Variants in RUNDC3B observed in about 807,000 individuals in gnomAD.
RUNDC3B encodes the protein RUN domain-containing protein 3B.
RUNDC3B carries 33 observed loss-of-function variants against 58.4 expected under a neutral mutation model. That is an observed-to-expected ratio of 0.56 (90% CI 0.43 to 0.75). The LOEUF is 0.75. RUNDC3B is among the 30% of genes least tolerant of loss of function. RUNDC3B has a pLI of 0.00. For missense variants in RUNDC3B, 501 were observed against 535.7 expected, an observed-to-expected ratio of 0.94 and a Z score of 0.64; for synonymous variants, 193 against 195.2, an observed-to-expected ratio of 0.99 and a Z score of 0.10.
Position 87,763,639 on chromosome 7 carries a change from T to G in RUNDC3B, c.630-6942T>G, listed in dbSNP as rs576239128. 1.2e-3 allele frequency among the ~76,000 whole-genome samples: 179 copies of G among 151,866 alleles called. 2 individuals are homozygous for G. Among genetic ancestry groups the G allele is most frequent in the African/African-American group, 4.2e-3 (174 of 41,554 alleles). ...AAGTTCTTTCTTCAATTGTATCTGA[T>G]TTTTAGGCAATCCATTTATTTTTAT... On this transcript the variant is annotated intron_variant, in intron 6 of 10. Coordinates refer to ENST00000394654, the MANE Select transcript of RUNDC3B (RefSeq NM_001134405.2).
intron 2 of RUNDC3B, among the ~76,000 whole-genome samples, chr7:87,677,303 A>ACC (rs1303343025): frequency 6.6e-6 from 1 of 150,678 alleles, no homozygotes; most frequent in African/African-American, 2.5e-5. Context: ...ACACACACAC[A>ACC]CACACACCAC....
At chr7:87,702,020 G>C (rs1829090203) in intron 3 of RUNDC3B, among the ~76,000 whole-genome samples, 6 of 151,546 alleles carry the variant, frequency 4.0e-5, no homozygotes, top group Admixed American at 3.9e-4. Context: ...GTGGGCACCT[G>C]TAATCCCAGC....
intron 4 of RUNDC3B, among the ~76,000 whole-genome samples, chr7:87,714,151 G>T (rs1830333579): frequency 6.6e-6 from 1 of 152,190 alleles, no homozygotes; most frequent in African/African-American, 2.4e-5. Flanking sequence ...TTTGGAATCT[G>T]TGTATGTATT....
At chr7:87,811,846 G>T (rs1172895856) in intron 9 of RUNDC3B, among the ~76,000 whole-genome samples, 1 of 152,106 alleles carries the variant, frequency 6.6e-6, no homozygotes, top group African/African-American at 2.4e-5. Context: ...AATAAATTAA[G>T]AGAATATAGA....
At chr7:87,656,802 A>T (rs1824149522) in intron 2 of RUNDC3B, among the ~76,000 whole-genome samples, 1 of 152,200 alleles carries the variant, frequency 6.6e-6, no homozygotes, top group Non-Finnish European at 1.5e-5. Flanking sequence ...ATCCATCACT[A>T]AGCTACTTAA....
intron 6 of RUNDC3B, among the ~76,000 whole-genome samples, chr7:87,760,919 G>T (rs982053872): frequency 6.6e-6 from 1 of 151,764 alleles, no homozygotes; most frequent in Non-Finnish European, 1.5e-5. Flanking sequence ...CCTGAGTTAG[G>T]CAATTGTTTT....
chr7:87,815,592 T>C (rs989870635), intron 9 of RUNDC3B, among the ~76,000 whole-genome samples: 1 of 152,116 alleles, frequency 6.6e-6, no homozygotes, highest in Non-Finnish European at 1.5e-5. Flanking sequence ...AGTTTAATCG[T>C]CTTGATGTAT....
At chr7:87,776,304 A>C (rs1036546924) in intron 7 of RUNDC3B, among the ~76,000 whole-genome samples, 3 of 152,158 alleles carry the variant, frequency 2.0e-5, no homozygotes, top group Non-Finnish European at 2.9e-5. Context: ...AGTGATCCAA[A>C]TGGTCATTGA....
At chr7:87,756,508 C>T (rs769086422) in intron 6 of RUNDC3B, among the ~76,000 whole-genome samples, 6 of 151,858 alleles carry the variant, frequency 4.0e-5, no homozygotes, top group Non-Finnish European at 8.8e-5. Flanking sequence ...TACCTAAATT[C>T]ATTTAGATTA....
chr7:87,713,922 TATTTA>T (rs1375072586), intron 4 of RUNDC3B, among the ~76,000 whole-genome samples: 2 of 152,182 alleles, frequency 1.3e-5, no homozygotes, highest in Non-Finnish European at 2.9e-5. Context: ...ATTATATCAG[TATTTA>T]ATTTATAATG....
chr7:87,796,725 A>G (rs1835841413), intron 8 of RUNDC3B, among the ~76,000 whole-genome samples: 1 of 152,224 alleles, frequency 6.6e-6, no homozygotes, highest in African/African-American at 2.4e-5. Flanking sequence ...AAAATAAGAG[A>G]GACGTTAAGG....
chr7:87,671,424 G>C (rs1372057870), intron 2 of RUNDC3B, among the ~76,000 whole-genome samples: 1 of 152,156 alleles, frequency 6.6e-6, no homozygotes, highest in Non-Finnish European at 1.5e-5. Flanking sequence ...TGGAAGACCT[G>C]TCTGGTGAGG....
chr7:87,712,493 A>G (rs1036121197), intron 4 of RUNDC3B, among the ~76,000 whole-genome samples: 2 of 152,080 alleles, frequency 1.3e-5, no homozygotes, highest in Non-Finnish European at 2.9e-5. Context: ...TTCCTATGCA[A>G]GTAGAATATT....
chr7:87,664,749 A>G (rs554729897), intron 2 of RUNDC3B, among the ~76,000 whole-genome samples: 3 of 152,276 alleles, frequency 2.0e-5, no homozygotes, highest in Non-Finnish European at 4.4e-5. Context: ...AGCAAAATAT[A>G]TAAGTTTGTG....
In RUNDC3B at chr7:87,686,776, G is replaced by GAA. The variant is rs555870738; in HGVS notation, c.239-13630_239-13629dup. Among the ~76,000 whole-genome samples the GAA allele has an allele frequency of 1.9e-4, 20 of 106,976 alleles. 1 individual carries two copies. The highest frequency in any genetic ancestry group is 8.6e-4 in the South Asian group (3 of 3,470). 70.2% of individuals were successfully genotyped at this position (106,976 alleles called of 152,430 possible). ...GCAACATGGTGAAACCCCGCCTCTAGAAAAAAAAAAAAAAAAGAATTAACT... is the reference window on the plus strand; with the variant it reads ...GCAACATGGTGAAACCCCGCCTCTAGAAAAAAAAAAAAAAAAAAGAATTAACT... On this transcript the variant is annotated intron_variant, in intron 2 of 10. Transcript: ENST00000394654.
intron 2 of RUNDC3B, among the ~76,000 whole-genome samples, chr7:87,663,275 A>G (rs1824894471): frequency 6.6e-6 from 1 of 152,054 alleles, no homozygotes; most frequent in Non-Finnish European, 1.5e-5. Flanking sequence ...TTGTAAATAC[A>G]AGGTTCTTTT....
intron 1 of RUNDC3B, among the ~76,000 whole-genome samples, chr7:87,646,742 G>T (rs1282488121): frequency 7.0e-6 from 1 of 142,710 alleles, no homozygotes; most frequent in African/African-American, 2.5e-5. Context: ...GTTTGCCAGG[G>T]ATTGGCAGCA....
chr7:87,799,545 A>G (rs571610140), intron 8 of RUNDC3B, among the ~76,000 whole-genome samples: 9 of 152,294 alleles, frequency 5.9e-5, no homozygotes, highest in African/African-American at 2.2e-4. Context: ...TGTCACAAAT[A>G]GTACTGGAGC....
At chr7:87,647,097 T>G (rs1253040155) in intron 1 of RUNDC3B, among the ~76,000 whole-genome samples, 2 of 152,168 alleles carry the variant, frequency 1.3e-5, no homozygotes, top group Non-Finnish European at 2.9e-5. Flanking sequence ...TTTTCCATTA[T>G]CCCATATATA....
Sources: allele counts gnomAD v4.1 joint callset (sites outside exome capture counted in the v4.1 genomes callset), GRCh38; gene constraint gnomAD v4.1.1; transcripts MANE v1.5; gene names NCBI Gene and HGNC (gene_info 2026-07-23, HGNC 2026-07-21).